Variants in KIAA1671 observed in about 807,000 individuals in gnomAD.
KIAA1671 encodes KIAA1671.
Under a neutral mutation model 131.2 loss-of-function variants are expected in KIAA1671, and 52 were observed. The observed-to-expected ratio is 0.40, with a 90% CI of 0.32 to 0.50. The LOEUF is 0.50. Among genes scored for constraint, KIAA1671 ranks in the 20% least tolerant of loss-of-function variants. The probability of loss-of-function intolerance (pLI) is 0.73; values close to 1 mark genes in which losing one functional copy is unlikely to be tolerated. For synonymous variants in KIAA1671, 1,003 were observed against 961.6 expected (o/e 1.04, Z -0.80); for missense variants, 2,360 against 2,364.2 (o/e 1.00, Z 0.04).
At chr22:24,959,293 G>A (rs1255071538) in intron 1 of KIAA1671, among the ~76,000 whole-genome samples, 2 of 151,788 alleles carry the variant, frequency 1.3e-5, no homozygotes, top group Non-Finnish European at 2.9e-5. Flanking sequence ...ATCACTTGAG[G>A]GCAGGAGTTT....
intron 1 of KIAA1671, among the ~76,000 whole-genome samples, chr22:24,972,903 G>T (rs895931262): frequency 6.6e-6 from 1 of 152,194 alleles, no homozygotes; most frequent in African/African-American, 2.4e-5. Flanking sequence ...TGTGGAAGAC[G>T]GTGTCTGCTT....
intron 1 of KIAA1671, among the ~76,000 whole-genome samples, chr22:24,973,704 T>C (rs1376338293): frequency 3.9e-5 from 6 of 152,064 alleles, no homozygotes. Flanking sequence ...TTATTGCATA[T>C]AATTATTTAT....
intron 6 of KIAA1671, among the ~76,000 whole-genome samples, chr22:25,129,567 T>C (rs1388982380): frequency 6.6e-6 from 1 of 151,884 alleles, no homozygotes; most frequent in Non-Finnish European, 1.5e-5. Flanking sequence ...ATCACAGCTT[T>C]TCCCAGCTTT....
chr22:25,008,456 C>A (rs931092743), intron 1 of KIAA1671, among the ~76,000 whole-genome samples: 3 of 152,122 alleles, frequency 2.0e-5, no homozygotes, highest in African/African-American at 7.2e-5. Flanking sequence ...TATTAACAGA[C>A]ATGCATGTAG....
Position 24,981,062 on chromosome 22 carries a change from CTGTGTG to C in KIAA1671, c.-208+28312_-208+28317del, listed in dbSNP as rs35906863. On this transcript the variant is annotated intron_variant, in intron 1 of 12. Transcript: ENST00000358431. ...ATGCCCGGCCAACACTTGTTATTTT[CTGTGTG>C]TGTGTGTGTGTGTGTGTGTGTTTTT... 3.0e-4 allele frequency among the ~76,000 whole-genome samples: 44 copies of C among 148,904 alleles called. 2 individuals carry two copies. The highest frequency in any genetic ancestry group is 1.0e-3 in the African/African-American group (42 of 40,550).
At chr22:25,179,722 A>G (rs573718242) in intron 9 of KIAA1671, among the ~76,000 whole-genome samples, 1 of 152,374 alleles carries the variant, frequency 6.6e-6, no homozygotes, top group East Asian at 1.9e-4. Flanking sequence ...TACAAGAGAC[A>G]GAGACATAGC....
rs1434752248 is a variant in KIAA1671, at chr22:25,039,086, T to C, written c.1956T>C (p.Pro652=). 7.7e-6 allele frequency: 12 copies of C among 1,551,492 alleles called. No homozygotes were observed. The African/African-American group carries it at 1.5e-4, about 19-fold the overall frequency. ...HARVSEPRPR[P]EMGSWLGRDP... ...GTGTCTCAGAACCCAGGCCGAGGCCTGAGATGGGCTCTTGGCTGGGCAGGG... is the reference window on the plus strand; with the variant it reads ...GTGTCTCAGAACCCAGGCCGAGGCCCGAGATGGGCTCTTGGCTGGGCAGGG... Residue 652 remains proline (P), a synonymous_variant, in exon 5 of 13, where the codon CCT becomes CCC. Coordinates refer to ENST00000358431, the MANE Select transcript of KIAA1671 (RefSeq NM_001145206.2).
intron 6 of KIAA1671, chr22:25,054,665 A>G (rs1471492467): frequency 2.0e-5 from 3 of 149,718 alleles, no homozygotes; most frequent in African/African-American, 7.3e-5. Context: ...CCTAATAGCT[A>G]CTGTTTATTG....
At chr22:25,172,065 T>G (rs1005230309) in intron 7 of KIAA1671, among the ~76,000 whole-genome samples, 3 of 152,226 alleles carry the variant, frequency 2.0e-5, no homozygotes, top group African/African-American at 7.2e-5. Flanking sequence ...CCGAGAAAGC[T>G]GTTTTTCCCA....
chr22:25,170,541 C>T (rs541006029), intron 6 of KIAA1671, among the ~76,000 whole-genome samples: 87 of 152,354 alleles, frequency 5.7e-4, no homozygotes, highest in Non-Finnish European at 9.7e-4. Flanking sequence ...GGGGGCCAGG[C>T]GATGCCCTGC....
At chr22:25,163,998 CAT>C (rs1231025181) in intron 6 of KIAA1671, among the ~76,000 whole-genome samples, 1 of 152,126 alleles carries the variant, frequency 6.6e-6, no homozygotes, top group Non-Finnish European at 1.5e-5. Context: ...TTAGGGGGTA[CAT>C]GTTACCCTGT....
At position 25,181,806 on chromosome 22, in the gene KIAA1671, G is replaced by A. The variant is rs1934285837; in HGVS notation, c.5182G>A (p.Asp1728Asn). The A allele has an allele frequency of 3.9e-6, 6 of 1,551,564 alleles. No homozygotes were observed. In the African/African-American group the frequency reaches 4.1e-5, roughly 11 times the overall value. ...GAGGATGCCTGCGTTTCCAGGCATG[G>A]ATCCGGCAGTGCTAAAGGTACCAGA... ...PQRMPAFPGM[D>N]PAVLKAQLHK... Residue 1728 changes from aspartate to asparagine, a missense_variant, in exon 10 of 13, where the codon GAT becomes AAT. Asp to Asn is a conservative substitution (Grantham distance 23, BLOSUM62 1). This residue lies in a region of KIAA1671 where 1,161 missense variants were observed against 1,204.7 expected (regional missense o/e 0.96). Coordinates refer to ENST00000358431, the MANE Select transcript of KIAA1671 (RefSeq NM_001145206.2).
chr22:25,099,589 C>A (rs137900898), intron 6 of KIAA1671, among the ~76,000 whole-genome samples: 1 of 138,342 alleles, frequency 7.2e-6, no homozygotes, highest in African/African-American at 2.7e-5. Flanking sequence ...GAGTCTCGCT[C>A]AGTCACCTAG....
intron 6 of KIAA1671, among the ~76,000 whole-genome samples, chr22:25,091,256 C>A (rs1176829502): frequency 6.6e-6 from 1 of 152,170 alleles, no homozygotes; most frequent in South Asian, 2.1e-4. Context: ...TGGGGTTTCA[C>A]CATGTTGGCC....
chr22:24,989,587 C>A (rs1018737518), intron 1 of KIAA1671, among the ~76,000 whole-genome samples: 1 of 152,120 alleles, frequency 6.6e-6, no homozygotes, highest in African/African-American at 2.4e-5. Context: ...GAATTTAGGG[C>A]TGGTCAGGGC....
chr22:25,101,909 G>C (rs1930699603), intron 6 of KIAA1671, among the ~76,000 whole-genome samples: 1 of 152,164 alleles, frequency 6.6e-6, no homozygotes, highest in South Asian at 2.1e-4. Context: ...TGTGTGATTC[G>C]GTAGGGGTTA....
chr22:25,048,912 G>A (rs1927385861), intron 5 of KIAA1671: 1 of 286,866 alleles, frequency 3.5e-6, no homozygotes, highest in African/African-American at 2.2e-5. Context: ...ACTGCATCAT[G>A]TACATTCCAT....
intron 6 of KIAA1671, among the ~76,000 whole-genome samples, chr22:25,082,565 G>C (rs1415176099): frequency 6.6e-6 from 1 of 152,208 alleles, no homozygotes; most frequent in Non-Finnish European, 1.5e-5. Flanking sequence ...AGGCCTGGTG[G>C]CTCATGCCTG....
intron 4 of KIAA1671, among the ~76,000 whole-genome samples, chr22:25,033,066 T>C (rs1926380193): frequency 6.6e-6 from 1 of 152,104 alleles, no homozygotes; most frequent in East Asian, 1.9e-4. Flanking sequence ...GCCTTCCCCT[T>C]ACTTACCACC....
Sources: gnomAD v4.1 joint callset for allele counts (sites outside exome capture counted in the v4.1 genomes callset) on GRCh38, gnomAD v4.1.1 for gene constraint, gnomAD v4.1.1 regional missense constraint, MANE v1.5 for transcripts, NCBI Gene and HGNC (gene_info 2026-07-23, HGNC 2026-07-21) for gene names.